NTM: variants seen among roughly 807,000 people sequenced by gnomAD.
NTM encodes neurotrimin.
NTM carries 13 observed loss-of-function variants against 42.1 expected under a neutral mutation model. That is an observed-to-expected ratio of 0.31 (90% confidence interval 0.20 to 0.49). The LOEUF (loss-of-function observed/expected upper bound fraction) is 0.49, where lower values mean the gene tolerates loss of function less well. NTM is among the 20% of genes least tolerant of loss of function. The pLI is 0.99. For missense variants in NTM, 373 were observed against 452.8 expected (o/e 0.82, Z 1.60); for synonymous variants, 187 against 179.2 (o/e 1.04, Z -0.35).
intron 1 of NTM, among the ~76,000 whole-genome samples, chr11:131,667,375 C>T (rs1009579491): frequency 6.6e-5 from 10 of 152,264 alleles, no homozygotes; most frequent in Middle Eastern, 3.4e-3. Context: ...ATAATTCAAC[C>T]GAAGACCCTT....
chr11:131,838,189 G>A (rs1481749807), intron 1 of NTM, among the ~76,000 whole-genome samples: 2 of 152,122 alleles, frequency 1.3e-5, no homozygotes, highest in Admixed American at 6.5e-5. Context: ...GGATGCAGGG[G>A]GCGGGGTGTA....
intron 1 of NTM, among the ~76,000 whole-genome samples, chr11:131,440,421 C>G (rs940107053): frequency 7.2e-5 from 11 of 152,080 alleles, no homozygotes; most frequent in Admixed American, 3.9e-4. Flanking sequence ...GTGGCTTTTT[C>G]AGAGAAAACT....
At chr11:131,919,791 A>T (rs564229842) in intron 2 of NTM, among the ~76,000 whole-genome samples, 1 of 152,312 alleles carries the variant, frequency 6.6e-6, no homozygotes, top group East Asian at 1.9e-4. Flanking sequence ...TAATATACAC[A>T]CATATACCAA....
intron 2 of NTM, among the ~76,000 whole-genome samples, chr11:132,054,521 A>G (rs1473238114): frequency 6.6e-6 from 1 of 152,258 alleles, no homozygotes; most frequent in Non-Finnish European, 1.5e-5. Context: ...TGAAGAGCCC[A>G]GAGCAAATTC....
intron 2 of NTM, among the ~76,000 whole-genome samples, chr11:132,133,224 C>A (rs1478590405): frequency 1.3e-5 from 2 of 152,208 alleles, no homozygotes; most frequent in Admixed American, 1.3e-4. Context: ...ACAAGCCCTT[C>A]CCTGACCCAT....
chr11:131,488,132 T>G (rs1954383795), intron 1 of NTM, among the ~76,000 whole-genome samples: 1 of 152,202 alleles, frequency 6.6e-6, no homozygotes, highest in African/African-American at 2.4e-5. Flanking sequence ...AAACTCAGGC[T>G]TCAGGGGCTT....
At chr11:132,176,367 A>G (rs2076807471) in intron 3 of NTM, among the ~76,000 whole-genome samples, 2 of 92,154 alleles carry the variant, frequency 2.2e-5, no homozygotes, top group Admixed American at 1.1e-4. Flanking sequence ...AAAAAAAAAA[A>G]GAAAAAAAAA....
chr11:131,665,562 A>G (rs995743197), intron 1 of NTM, among the ~76,000 whole-genome samples: 1 of 152,244 alleles, frequency 6.6e-6, no homozygotes, highest in African/African-American at 2.4e-5. Flanking sequence ...AGGAGAGTTC[A>G]TGTGAAGACA....
intron 1 of NTM, among the ~76,000 whole-genome samples, chr11:131,781,141 A>T (rs2088032160): frequency 6.6e-6 from 1 of 152,142 alleles, no homozygotes; most frequent in South Asian, 2.1e-4. Context: ...GAGCTCTATT[A>T]TATCAAGAAA....
At chr11:131,991,749 A>G (rs2067058380) in intron 2 of NTM, among the ~76,000 whole-genome samples, 2 of 152,202 alleles carry the variant, frequency 1.3e-5, no homozygotes, top group Non-Finnish European at 1.5e-5. Context: ...TTACCCAGAT[A>G]AAGAAAGGGG....
At chr11:132,066,956 CA>C (rs2056599139) in intron 2 of NTM, among the ~76,000 whole-genome samples, 1 of 137,984 alleles carries the variant, frequency 7.2e-6, no homozygotes, top group African/African-American at 2.9e-5. Context: ...TTTTGTGAAA[CA>C]TTTTTTTTTT....
chr11:132,081,350 G>C (rs1448583085), intron 2 of NTM, among the ~76,000 whole-genome samples: 1 of 152,206 alleles, frequency 6.6e-6, no homozygotes, highest in Admixed American at 6.5e-5. Context: ...AACAGTACCT[G>C]ATTGTGGGTT....
chr11:131,660,971 A>C, intron 1 of NTM: 2 of 1,304,342 alleles, frequency 1.5e-6, no homozygotes, highest in Non-Finnish European at 2.0e-6. Flanking sequence ...GCAAAGTTGG[A>C]TGTTTTTAAA....
chr11:132,265,011 G>C (rs1346125807), intron 4 of NTM, among the ~76,000 whole-genome samples: 1 of 152,184 alleles, frequency 6.6e-6, no homozygotes, highest in African/African-American at 2.4e-5. Flanking sequence ...TGAATTTGGG[G>C]ATGAAGGTTC....
chr11:131,518,179 C>T (rs2049134021), intron 1 of NTM, among the ~76,000 whole-genome samples: 1 of 152,128 alleles, frequency 6.6e-6, no homozygotes, highest in African/African-American at 2.4e-5. Context: ...GATTCCTGTC[C>T]TAGTGGAGCT....
At chr11:131,886,703 G>A (rs917901871) in intron 1 of NTM, among the ~76,000 whole-genome samples, 2 of 152,178 alleles carry the variant, frequency 1.3e-5, no homozygotes, top group Admixed American at 6.5e-5. Flanking sequence ...GGGAGCTTGA[G>A]GGAGCTTTCC....
chr11:131,595,216 T>G (rs920011577), intron 1 of NTM, among the ~76,000 whole-genome samples: 4 of 152,182 alleles, frequency 2.6e-5, no homozygotes, highest in African/African-American at 7.2e-5. Flanking sequence ...AGCAAAATCC[T>G]AGGCGTGGTC....
At chr11:131,752,121 G>C (rs2082635815) in intron 1 of NTM, among the ~76,000 whole-genome samples, 1 of 152,310 alleles carries the variant, frequency 6.6e-6, no homozygotes, top group Admixed American at 6.5e-5. Flanking sequence ...CAACTGTTGG[G>C]GAGGATATAG....
chr11:131,875,304 C>A lies in NTM; in HGVS notation c.83-36260C>A, dbSNP rs112319352. Among the ~76,000 whole-genome samples the A allele has an allele frequency of 9.6e-3, 1,459 of 152,276 alleles. 19 individuals carry two copies. The highest frequency in any genetic ancestry group is 0.031 in the African/African-American group (1,306 of 41,560). On this transcript the variant is annotated intron_variant, in intron 1 of 8. Transcript: ENST00000683400. ...TAAAAGAAAAAAAGAGATTGAACAT[C>A]ACTGCTTATAATATTTGGTGAGTTC...
Sources: allele counts gnomAD v4.1 joint callset (sites outside exome capture counted in the v4.1 genomes callset), GRCh38; gene constraint gnomAD v4.1.1; transcripts MANE v1.5; gene names NCBI Gene and HGNC (gene_info 2026-07-23, HGNC 2026-07-21).